The following CREB5 variants were observed in gnomAD, a reference collection of about 807,000 sequenced individuals.
CREB5 encodes cyclic AMP-responsive element-binding protein 5.
A neutral mutation model predicts 57.1 loss-of-function variants in CREB5; 19 were observed. That is an observed-to-expected ratio of 0.33 (90% CI 0.23 to 0.49). CREB5 has a LOEUF of 0.49. Among genes scored for constraint, CREB5 ranks in the 20% least tolerant of loss-of-function variants. The pLI is 0.99. For synonymous variants in CREB5, 238 were observed against 238.3 expected, an observed-to-expected ratio of 1.00 and a Z score of 0.01; for missense variants, 579 against 671.6, an observed-to-expected ratio of 0.86 and a Z score of 1.52.
chr7:28,807,404 G>A (rs151047191), intron 8 of CREB5, among the ~76,000 whole-genome samples: 15 of 152,256 alleles, frequency 9.9e-5, no homozygotes, highest in East Asian at 3.9e-4. Context: ...AACCGAAATC[G>A]CGCCACTGCA....
At chr7:28,686,563 C>T (rs950200636) in intron 5 of CREB5, among the ~76,000 whole-genome samples, 3 of 151,802 alleles carry the variant, frequency 2.0e-5, no homozygotes, top group Non-Finnish European at 4.4e-5. Context: ...AGAGCAAACT[C>T]GGGCGAAGTT....
chr7:28,622,870 A>G (rs1196163189), intron 5 of CREB5, among the ~76,000 whole-genome samples: 1 of 152,126 alleles, frequency 6.6e-6, no homozygotes, highest in Non-Finnish European at 1.5e-5. Flanking sequence ...TTTGAAAATA[A>G]TAATAATTTT....
At chr7:28,710,523 A>C (rs1029837378) in intron 5 of CREB5, among the ~76,000 whole-genome samples, 1 of 152,134 alleles carries the variant, frequency 6.6e-6, no homozygotes, top group African/African-American at 2.4e-5. Flanking sequence ...TGCTATGGTG[A>C]GTGCCTGTAG....
At position 28,570,486 on chromosome 7, in the gene CREB5, C is replaced by T; in HGVS notation, c.413C>T (p.Pro138Leu). 1 of 1,614,176 alleles carries T rather than the reference C, an allele frequency of 6.2e-7. No individual in the cohort carries two copies. The highest frequency in any genetic ancestry group is 1.1e-5 in the South Asian group (1 of 91,078). The change falls in exon 5 of 11, where the codon CCT (proline) becomes CTT (leucine). Residue 138 changes from proline (P) to leucine (L), a missense_variant. Physicochemically the swap from Pro to Leu is moderately conservative, Grantham distance 98. Transcript: ENST00000357727. ...NVVIQQAMPS[P>L]QSSSVITQAP... ...GTGATTCAGCAAGCCATGCCGTCGC[C>T]TCAGTCCAGCTCTGTCATCACTCAG...
chr7:28,512,646 A>T (rs1222604523), intron 4 of CREB5, among the ~76,000 whole-genome samples: 2 of 135,194 alleles, frequency 1.5e-5, no homozygotes, highest in Non-Finnish European at 3.4e-5. Context: ...TCATATAATA[A>T]CTGTGTGTGT....
intron 1 of CREB5, among the ~76,000 whole-genome samples, chr7:28,319,962 G>A (rs1785463172): frequency 6.6e-6 from 1 of 151,264 alleles, no homozygotes; most frequent in East Asian, 1.9e-4. Context: ...ACAAGTTCTC[G>A]CTCTGTCACT....
At chr7:28,671,334 A>G (rs1250126592) in intron 5 of CREB5, among the ~76,000 whole-genome samples, 4 of 151,810 alleles carry the variant, frequency 2.6e-5, no homozygotes, top group African/African-American at 7.3e-5. Flanking sequence ...GAGTTCAGAC[A>G]TTTCCTATTT....
intron 4 of CREB5, among the ~76,000 whole-genome samples, chr7:28,545,003 A>G (rs1794361907): frequency 6.6e-6 from 1 of 152,182 alleles, no homozygotes. Flanking sequence ...CTGGAGCATT[A>G]GCCATGGGGA....
Position 28,724,288 on chromosome 7 carries a change from T to C in CREB5, c.658T>C (p.Cys220Arg), listed in dbSNP as rs1803210127. ...GMQGPNLSNPCASPQVQPMHS... is the reference protein window; with the variant it reads ...GMQGPNLSNPRASPQVQPMHS... ...GCAAGGTCCAAATCTCAGCAACCCC[T>C]GTGCTTCTCCCCAGGTCCAGCCAAT... Residue 220 changes from cysteine to arginine, a missense_variant, in exon 7 of 11, where the codon TGT becomes CGT. Around this residue, in one of 3 missense-constraint regions of CREB5, gnomAD observed 459 missense variants for 515.7 expected, o/e 0.89. Transcript: ENST00000357727. The C allele has an allele frequency of 6.2e-7, 1 of 1,613,736 alleles. No homozygotes were observed. Among genetic ancestry groups the C allele is most frequent in the Non-Finnish European group, 8.5e-7 (1 of 1,179,860 alleles).
intron 7 of CREB5, among the ~76,000 whole-genome samples, chr7:28,779,829 A>C (rs535983978): frequency 5.3e-4 from 81 of 152,280 alleles, no homozygotes; most frequent in African/African-American, 1.9e-3. Flanking sequence ...TGACAGCCAG[A>C]TACTGTCAGG....
intron 1 of CREB5, among the ~76,000 whole-genome samples, chr7:28,418,088 G>A (rs1318994960): frequency 2.6e-5 from 4 of 152,078 alleles, no homozygotes; most frequent in Admixed American, 2.0e-4. Flanking sequence ...GTTTGGGGAG[G>A]GAAATTTTTA....
chr7:28,775,265 G>T (rs1282534048), intron 7 of CREB5, among the ~76,000 whole-genome samples: 1 of 151,978 alleles, frequency 6.6e-6, no homozygotes, highest in Non-Finnish European at 1.5e-5. Context: ...GACTCTTTTA[G>T]GCTCAGCTCA....
chr7:28,571,265 C>A (rs1267280234), intron 5 of CREB5, among the ~76,000 whole-genome samples: 3 of 152,112 alleles, frequency 2.0e-5, no homozygotes, highest in Non-Finnish European at 2.9e-5. Flanking sequence ...TATTTTTGGA[C>A]CACGATTAAC....
chr7:28,716,227 C>G (rs763626281), intron 5 of CREB5, among the ~76,000 whole-genome samples: 2 of 151,946 alleles, frequency 1.3e-5, no homozygotes, highest in African/African-American at 4.8e-5. Flanking sequence ...AAAAAGAACA[C>G]CTCAAAAAAA....
chr7:28,309,960 G>GT (rs1270622807), intron 1 of CREB5, among the ~76,000 whole-genome samples: 1 of 145,254 alleles, frequency 6.9e-6, no homozygotes, highest in Admixed American at 6.8e-5. Context: ...CAAGGGCTAA[G>GT]TGGGGGGTCC....
At chr7:28,328,343 C>T (rs938558567) in intron 1 of CREB5, among the ~76,000 whole-genome samples, 6 of 152,166 alleles carry the variant, frequency 3.9e-5, no homozygotes, top group African/African-American at 1.2e-4. Flanking sequence ...GAGACAGATT[C>T]CCACACAAAA....
intron 1 of CREB5, among the ~76,000 whole-genome samples, chr7:28,486,252 A>G (rs1224679930): frequency 6.6e-6 from 1 of 152,170 alleles, no homozygotes; most frequent in Non-Finnish European, 1.5e-5. Flanking sequence ...TGCTTCAGAA[A>G]AGTGAAAGTA....
intron 1 of CREB5, among the ~76,000 whole-genome samples, chr7:28,487,590 G>A (rs1024527167): frequency 6.6e-5 from 10 of 152,212 alleles, no homozygotes; most frequent in African/African-American, 1.9e-4. Flanking sequence ...TGAGATAAGA[G>A]GGAATTGAGG....
At chr7:28,441,115 A>C (rs1183710110) in intron 1 of CREB5, among the ~76,000 whole-genome samples, 1 of 152,204 alleles carries the variant, frequency 6.6e-6, no homozygotes, top group Non-Finnish European at 1.5e-5. Flanking sequence ...TTTGATGTCC[A>C]AGAAGACTTC....
Sources: allele counts gnomAD v4.1 joint callset (sites outside exome capture counted in the v4.1 genomes callset), GRCh38; gene constraint gnomAD v4.1.1; regional missense constraint gnomAD v4.1.1; transcripts MANE v1.5; gene names NCBI Gene and HGNC (gene_info 2026-07-23, HGNC 2026-07-21).